The following PRICKLE4 variants were observed in gnomAD, a reference collection of about 807,000 sequenced individuals.
The protein encoded by PRICKLE4 is prickle-like protein 4.
A neutral mutation model predicts 43.5 loss-of-function variants in PRICKLE4; 40 were observed. The observed-to-expected ratio is 0.92, with a 90% CI of 0.71 to 1.20. The LOEUF is 1.20. Among genes scored for constraint, PRICKLE4 ranks in the 50% most tolerant of loss-of-function variants. PRICKLE4 has a pLI of 0.00. For missense variants in PRICKLE4, 527 were observed against 491.2 expected, an observed-to-expected ratio of 1.07 and a Z score of -0.69; for synonymous variants, 208 against 197.4, an observed-to-expected ratio of 1.05 and a Z score of -0.45.
chr6:41,787,300 A>C lies in PRICKLE4; in HGVS notation c.*171A>C, dbSNP rs1341283680. On this transcript the variant is annotated 3_prime_UTR_variant, in exon 8 of 8. Transcript: ENST00000458694. ...CGCCCCCTTCAGTACTGCGCGTTCT[A>C]AGACTTTTGGCGGAGACTTTCTTGG... The C allele has an allele frequency of 2.0e-6, 2 of 989,600 alleles. No homozygotes were observed. The highest frequency in any genetic ancestry group is 2.7e-5 in the East Asian group (1 of 37,040). The allele number at this position is 989,600 out of a possible 1,614,324, so 61.3% of individuals were successfully genotyped here.
intron 2 of PRICKLE4, among the ~76,000 whole-genome samples, chr6:41,782,274 G>C (rs1772565276): frequency 1.3e-5 from 2 of 151,484 alleles, no homozygotes; most frequent in South Asian, 4.2e-4. Context: ...GTTTCCCCAT[G>C]TTGGCCAGGA....
In PRICKLE4 at chr6:41,783,607, T is replaced by G; in HGVS notation, c.132+2T>G. Reference sequence around the variant, plus strand: ...GACCCTGAGGATACCCATGCTCAGGTAGTAGAGTCGTGCCCTTCCTCTGAG... The same window carrying G: ...GACCCTGAGGATACCCATGCTCAGGGAGTAGAGTCGTGCCCTTCCTCTGAG... On this transcript the variant is annotated splice_donor_variant, in intron 3 of 7. Coordinates refer to ENST00000458694, the MANE Select transcript of PRICKLE4 (RefSeq NM_013397.6). LOFTEE classifies it high-confidence loss of function. 6.2e-7 allele frequency: 1 copy of G among 1,613,268 alleles called. No individual in the cohort carries two copies. The highest frequency in any genetic ancestry group is 8.5e-7 in the Non-Finnish European group (1 of 1,179,540).
At chr6:41,782,841 G>C (rs977331159) in intron 2 of PRICKLE4, among the ~76,000 whole-genome samples, 1 of 152,226 alleles carries the variant, frequency 6.6e-6, no homozygotes, top group African/African-American at 2.4e-5. Flanking sequence ...TTATAGACTA[G>C]ATTAGGAGCC....
rs990704059 is a variant in PRICKLE4 at position 41,787,450 on chromosome 6, T to A, written c.*321T>A. The A allele has an allele frequency of 6.4e-6, 4 of 622,576 alleles. No homozygotes were observed. Among genetic ancestry groups the A allele is most frequent in the African/African-American group, 3.7e-5 (2 of 54,216 alleles). The allele number at this position is 622,576 out of a possible 1,614,324, so 38.6% of individuals were successfully genotyped here. On this transcript the variant is annotated 3_prime_UTR_variant, in exon 8 of 8. Transcript: ENST00000458694. ...GCCAATTAAATGATCACAGCACGCG[T>A]GACAGTTACCGGCTGGAGAGCCGGA...
At chr6:41,786,557 G>C (rs1365387278) in intron 7 of PRICKLE4, 3 of 1,049,408 alleles carry the variant, frequency 2.9e-6, no homozygotes, top group Non-Finnish European at 4.2e-6. Flanking sequence ...GGTCGGGGTT[G>C]CGGCGCCAGA....
Position 41,780,822 on chromosome 6 carries a change from C to A in PRICKLE4, c.-188C>A. 4.7e-6 allele frequency: 1 copy of A among 212,982 alleles called. No homozygotes were observed. The highest frequency in any genetic ancestry group is 5.4e-5 in the South Asian group (1 of 18,632). 13.2% of individuals were successfully genotyped at this position (212,982 alleles called of 1,614,324 possible). A position where few individuals can be genotyped will look rare whatever the true frequency, so the allele number is the denominator to read the frequency against. Reference sequence around the variant, plus strand: ...GAACTGCCCGGACAGCGACGCACAGCGAGGGTGAGACCCCAGCGGAGTCCT... The same window carrying A: ...GAACTGCCCGGACAGCGACGCACAGAGAGGGTGAGACCCCAGCGGAGTCCT... On this transcript the variant is annotated 5_prime_UTR_variant, in exon 1 of 8. Transcript: ENST00000458694.
intron 4 of PRICKLE4, among the ~76,000 whole-genome samples, chr6:41,784,605 G>T (rs7772120): frequency 0.055 from 8,318 of 152,298 alleles, 396 homozygotes; most frequent in Admixed American, 0.12. Context: ...CAAGACAGGA[G>T]TATATGAAAT....
At position 41,784,938 on chromosome 6, in the gene PRICKLE4, C is replaced by T. The variant is rs757294466; in HGVS notation, c.244C>T (p.Arg82Cys). Reference sequence around the variant, plus strand: ...TTGTAGAGGACTGTTTCTGCAGGAGCGCTACTGCCTGGCCCTTGGGGAGGA... The same window carrying T: ...TTGTAGAGGACTGTTTCTGCAGGAGTGCTACTGCCTGGCCCTTGGGGAGGA... ...QQLPPQDIDERYCLALGEEER... is the reference protein window; with the variant it reads ...QQLPPQDIDECYCLALGEEER... The change falls in exon 5 of 8, where the codon CGC becomes TGC. Residue 82 changes from arginine to cysteine, a missense_variant. Arg to Cys is a radical substitution (Grantham distance 180). Coordinates refer to ENST00000458694, the MANE Select transcript of PRICKLE4 (RefSeq NM_013397.6). 1.1e-5 allele frequency: 17 copies of T among 1,613,720 alleles called. No individual in the cohort carries two copies. The highest frequency in any genetic ancestry group is 1.4e-5 in the Non-Finnish European group (16 of 1,179,942).
chr6:41,784,827 G>A (rs1203137835), intron 4 of PRICKLE4, 108 bp from the exon 5 acceptor site: 1 of 1,423,902 alleles, frequency 7.0e-7, no homozygotes, highest in African/African-American at 1.4e-5. Flanking sequence ...TCTCCCTGAG[G>A]TTCTACAACC....
chr6:41,786,907 C>T lies in PRICKLE4; in HGVS notation c.933C>T (p.Asn311=), dbSNP rs759400497. 3 of 1,612,484 alleles carry T rather than the reference C, an allele frequency of 1.9e-6. No homozygotes were observed. The highest frequency in any genetic ancestry group is 1.3e-5 in the African/African-American group (1 of 74,878). Residue 311 remains asparagine (N), a synonymous_variant, in exon 8 of 8, where the codon AAC becomes AAT. Transcript: ENST00000458694. ...GLPGSSPQQE[N]RPGDKAEAPK... ...CTGGATCCAGTCCCCAGCAGGAGAA[C>T]CGACCTGGGGACAAAGCGGAGGCAC...
Position 41,787,195 on chromosome 6 carries a change from A to G in PRICKLE4, c.*66A>G. 2.6e-6 allele frequency: 4 copies of G among 1,512,466 alleles called. No homozygotes were observed. The highest frequency in any genetic ancestry group is 3.5e-6 in the Non-Finnish European group (4 of 1,139,406). The allele number at this position is 1,512,466 out of a possible 1,614,324, so 93.7% of individuals were successfully genotyped here. A position where few individuals can be genotyped will look rare whatever the true frequency, so the allele number is the denominator to read the frequency against. On this transcript the variant is annotated 3_prime_UTR_variant, in exon 8 of 8. Transcript: ENST00000458694. ...GTCTGTAAAGCGGGAGAACAAGGCT[A>G]GCCTCCCCCTAACAATCCTAGACTG...
chr6:41,787,376 C>A lies in PRICKLE4; in HGVS notation c.*247C>A. The stretch of plus-strand genomic sequence containing the variant: ...TTCCCCTGCTGAGATAGCCCCTACC[C>A]CCACCTCCACAGGCTGGGACAGCCC... On this transcript the variant is annotated 3_prime_UTR_variant, in exon 8 of 8. Transcript: ENST00000458694. 1.6e-6 allele frequency: 1 copy of A among 632,808 alleles called. No homozygotes were observed. The highest frequency in any genetic ancestry group is 2.6e-6 in the Non-Finnish European group (1 of 377,804). 39.2% of individuals were successfully genotyped at this position (632,808 alleles called of 1,614,324 possible). A position where few individuals can be genotyped will look rare whatever the true frequency, so the allele number is the denominator to read the frequency against.
In PRICKLE4 at chr6:41,783,501, C is replaced by A; in HGVS notation, c.28C>A (p.His10Asn). 1.9e-6 allele frequency: 3 copies of A among 1,560,298 alleles called. No individual in the cohort carries two copies. Among genetic ancestry groups the A allele is most frequent in the Non-Finnish European group, 2.6e-6 (3 of 1,135,130 alleles). MSVQNSGWP[H>N]QEDSPKPQDP... Reference sequence around the variant, plus strand: ...GTCAGTGCAGAACTCTGGCTGGCCCCACCAAGAAGACAGCCCCAAGCCCCA... The same window carrying A: ...GTCAGTGCAGAACTCTGGCTGGCCCAACCAAGAAGACAGCCCCAAGCCCCA... The change falls in exon 3 of 8, where the codon CAC becomes AAC. Residue 10 changes from histidine (H) to asparagine (N), a missense_variant. Transcript: ENST00000458694.
chr6:41,786,747 C>T lies in PRICKLE4; in HGVS notation c.788-15C>T. The T allele has an allele frequency of 6.2e-7, 1 of 1,612,942 alleles. No individual in the cohort carries two copies. On this transcript the variant is annotated splice_polypyrimidine_tract_variant and intron_variant, in intron 7 of 7. Coordinates refer to ENST00000458694, the MANE Select transcript of PRICKLE4 (RefSeq NM_013397.6). ...GCGGCTCTGAGACCAGCGTTTCCGA[C>T]CCGGCCCGGAACAGGGGAGACTGGA...
intron 2 of PRICKLE4, among the ~76,000 whole-genome samples, chr6:41,783,219 A>G (rs1421308813): frequency 6.6e-6 from 1 of 152,140 alleles, no homozygotes; most frequent in East Asian, 1.9e-4. Context: ...TTTGAACTTC[A>G]GAAATTCTGG....
At chr6:41,786,465 C>A (rs756896283) in intron 7 of PRICKLE4, 133 bp downstream of exon 7, 2 of 1,162,154 alleles carry the variant, frequency 1.7e-6, no homozygotes, top group Admixed American at 4.0e-5. Flanking sequence ...ACCCCCCAGA[C>A]CCAAGCCTCG....
intron 3 of PRICKLE4, 100 bp downstream of exon 3, chr6:41,783,705 A>C (rs1207671808): frequency 2.0e-6 from 3 of 1,533,044 alleles, no homozygotes; most frequent in South Asian, 1.1e-5. Context: ...CTTCGTGCCT[A>C]ATCTCTTGTT....
At chr6:41,785,106 C>T in intron 5 of PRICKLE4, 34 bp downstream of exon 5, 2 of 1,610,692 alleles carry the variant, frequency 1.2e-6, no homozygotes, top group Non-Finnish European at 1.7e-6. Context: ...ATTCCCCTTC[C>T]TCTATTCTTT....
At chr6:41,785,305 C>G (rs1405873212) in intron 5 of PRICKLE4, 32 bp from the exon 6 acceptor site, 1 of 1,606,294 alleles carries the variant, frequency 6.2e-7, no homozygotes, top group African/African-American at 1.3e-5. Context: ...GTAGTGCTTA[C>G]TCCGACCACC....
Sources: gnomAD v4.1 joint callset for allele counts (sites outside exome capture counted in the v4.1 genomes callset) on GRCh38, gnomAD v4.1.1 for gene constraint, MANE v1.5 for transcripts, NCBI Gene and HGNC (gene_info 2026-07-23, HGNC 2026-07-21) for gene names.